PGM2L1: variants seen among roughly 807,000 people sequenced by gnomAD.
PGM2L1 encodes phosphoglucomutase 2 like 1.
PGM2L1 carries 35 observed loss-of-function variants against 73.4 expected under a neutral mutation model. That is an observed-to-expected ratio of 0.48 (90% CI 0.36 to 0.63). The LOEUF (loss-of-function observed/expected upper bound fraction) is 0.63. PGM2L1 is among the 30% of genes least tolerant of loss of function. The pLI is 0.00. For synonymous variants in PGM2L1, 225 were observed against 253.8 expected (o/e 0.89, Z 1.08); for missense variants, 570 against 742.0 (o/e 0.77, Z 2.69).
Position 74,391,501 on chromosome 11 carries a change from A to G in PGM2L1, c.111+6550T>C, listed in dbSNP as rs931113261. ...CTCAACTTTAACGTCTATATTTTCT[A>G]TTGCATTTGGCAGGGGTGGGGTGTA... On this transcript the variant is annotated intron_variant, in intron 1 of 13. Coordinates refer to ENST00000298198, the MANE Select transcript of PGM2L1 (RefSeq NM_173582.6). Among the ~76,000 whole-genome samples, 3 of 151,326 alleles carry G rather than the reference A, an allele frequency of 2.0e-5. No individual in the cohort carries two copies. In the South Asian group the frequency reaches 6.3e-4, roughly 32 times the overall value.
In PGM2L1 at chr11:74,368,517, T is replaced by C; in HGVS notation, c.530A>G (p.Asn177Ser). 6.2e-7 allele frequency: 1 copy of C among 1,613,718 alleles called. No homozygotes were observed. The highest frequency in any genetic ancestry group is 1.3e-5 in the African/African-American group (1 of 75,044). Residue 177 changes from asparagine (N) to serine (S), a missense_variant, in exon 5 of 14, where the codon AAC becomes AGC. Coordinates refer to ENST00000298198, the MANE Select transcript of PGM2L1 (RefSeq NM_173582.6). ...CTTGTATCCATTGTCTTCCTTGCGG[T>C]TGTGAGAGGCAGTAATCATCACACC... ...VAGVMITASH[N>S]RKEDNGYKVY...
intron 1 of PGM2L1, 133 bp downstream of exon 1, chr11:74,397,918 G>C (rs1435092498): frequency 4.4e-6 from 6 of 1,369,912 alleles, no homozygotes; most frequent in South Asian, 1.8e-5. Context: ...GGGTGGCAAC[G>C]CCCTGCTCCG....
intron 5 of PGM2L1, among the ~76,000 whole-genome samples, chr11:74,354,005 T>C (rs1201410877): frequency 6.6e-6 from 1 of 151,516 alleles, no homozygotes; most frequent in Non-Finnish European, 1.5e-5. Flanking sequence ...TTATAAAACA[T>C]AAGAAAAAAA....
chr11:74,358,354 T>G (rs571148944), intron 5 of PGM2L1, among the ~76,000 whole-genome samples: 2 of 152,290 alleles, frequency 1.3e-5, no homozygotes, highest in East Asian at 3.9e-4. Flanking sequence ...AACAGACTTC[T>G]CAGGGAAACG....
chr11:74,354,435 CT>C, intron 5 of PGM2L1: 1 of 700,980 alleles, frequency 1.4e-6, no homozygotes, highest in Non-Finnish European at 2.5e-6. Flanking sequence ...CTCCTTCCCC[CT>C]GCTGTCATGT....
chr11:74,397,866 G>T, intron 1 of PGM2L1, 185 bp downstream of exon 1: 5 of 1,050,092 alleles, frequency 4.8e-6, no homozygotes, highest in Non-Finnish European at 6.3e-6. Context: ...AGATGTTGCC[G>T]CCCGGCTCTG....
chr11:74,370,925 T>C lies in PGM2L1; in HGVS notation c.448A>G (p.Arg150Gly), dbSNP rs776703120. 5.0e-6 allele frequency: 8 copies of C among 1,612,922 alleles called. No homozygotes were observed. The South Asian group carries it at 6.6e-5, about 13-fold the overall frequency. The change falls in exon 4 of 14, where the codon AGA (arginine) becomes GGA (glycine). Residue 150 changes from arginine (R) to glycine (G), a missense_variant. Physicochemically the swap from Arg to Gly is moderately radical, Grantham distance 125. Coordinates refer to ENST00000298198, the MANE Select transcript of PGM2L1 (RefSeq NM_173582.6). ...AKDVPVYLFS[R>G]YVPTPFVPYA... ...ACTACAAAAGGTGTAGGAACATATC[T>C]TGAAAAAAGGTACACAGGAACATCT...
chr11:74,388,293 G>A (rs1863044296), intron 1 of PGM2L1, among the ~76,000 whole-genome samples: 1 of 150,958 alleles, frequency 6.6e-6, no homozygotes, highest in Admixed American at 6.6e-5. Flanking sequence ...TGTTAAGAGG[G>A]TAAATCTCAT....
At chr11:74,388,342 A>T (rs1451291666) in intron 1 of PGM2L1, among the ~76,000 whole-genome samples, 1 of 152,222 alleles carries the variant, frequency 6.6e-6, no homozygotes, top group Non-Finnish European at 1.5e-5. Flanking sequence ...AATTAAAAAA[A>T]ATATAAACCT....
chr11:74,348,065 A>G (rs1862296607), intron 6 of PGM2L1, among the ~76,000 whole-genome samples: 1 of 152,058 alleles, frequency 6.6e-6, no homozygotes, highest in Non-Finnish European at 1.5e-5. Context: ...TCCCACACCA[A>G]ACCGACAACC....
At position 74,330,369 on chromosome 11, in the gene PGM2L1, A is replaced by G. The variant is rs2134866395; in HGVS notation, c.*6283T>C. On this transcript the variant is annotated 3_prime_UTR_variant, in exon 14 of 14. Coordinates refer to ENST00000298198, the MANE Select transcript of PGM2L1 (RefSeq NM_173582.6). ...AACACTTCATTTGGCTAAAACCACAAGAAATCCACACACAAATACATAAAG... is the reference window on the plus strand; with the variant it reads ...AACACTTCATTTGGCTAAAACCACAGGAAATCCACACACAAATACATAAAG... 1 of 152,776 alleles carries G rather than the reference A, an allele frequency of 6.5e-6. No homozygotes were observed. Among genetic ancestry groups the G allele is most frequent in the Admixed American group, 6.5e-5 (1 of 15,302 alleles). 9.5% of individuals were successfully genotyped at this position (152,776 alleles called of 1,614,324 possible).
At chr11:74,393,953 T>C (rs964394900) in intron 1 of PGM2L1, among the ~76,000 whole-genome samples, 7 of 142,748 alleles carry the variant, frequency 4.9e-5, no homozygotes, top group African/African-American at 8.0e-5. Flanking sequence ...TGGTCTATAA[T>C]TTGACAGAAT....
intron 5 of PGM2L1, among the ~76,000 whole-genome samples, 183 bp from the exon 6 acceptor site, chr11:74,351,759 G>A (rs940651028): frequency 4.7e-5 from 7 of 149,616 alleles, no homozygotes; most frequent in East Asian, 1.9e-4. Flanking sequence ...TCAGCAGATC[G>A]AGACCATCCT....
rs1277429563 is a variant in PGM2L1, at chr11:74,330,832, A to G, written c.*5820T>C. 6.6e-6 allele frequency: 1 copy of G among 152,520 alleles called. No individual in the cohort carries two copies. Among genetic ancestry groups the G allele is most frequent in the Admixed American group, 6.5e-5 (1 of 15,286 alleles). 9.4% of individuals were successfully genotyped at this position (152,520 alleles called of 1,614,324 possible). A position where few individuals can be genotyped will look rare whatever the true frequency, so the allele number is the denominator to read the frequency against. On this transcript the variant is annotated 3_prime_UTR_variant, in exon 14 of 14. Transcript: ENST00000298198. ...CAACACCTTGCTTTGAGTGTAAAAT[A>G]CCAGGCATTATATATAATTTCCACA...
chr11:74,389,376 C>A (rs1385637526), intron 1 of PGM2L1, among the ~76,000 whole-genome samples: 1 of 152,004 alleles, frequency 6.6e-6, no homozygotes, highest in African/African-American at 2.4e-5. Flanking sequence ...TGATAAATTC[C>A]TTTTTATTAG....
intron 5 of PGM2L1, among the ~76,000 whole-genome samples, chr11:74,364,978 C>T (rs942691797): frequency 6.6e-6 from 1 of 152,072 alleles, no homozygotes; most frequent in Non-Finnish European, 1.5e-5. Context: ...TACAAGGCTA[C>T]AGTAACCAAA....
At chr11:74,371,073 A>C in intron 3 of PGM2L1, 87 bp from the exon 4 acceptor site, 1 of 966,664 alleles carries the variant, frequency 1.0e-6, no homozygotes, top group Non-Finnish European at 1.6e-6. Context: ...TATTATAATT[A>C]GTCTGAATAA....
At chr11:74,355,192 A>C in intron 5 of PGM2L1, 4 of 1,433,584 alleles carry the variant, frequency 2.8e-6, no homozygotes, top group Non-Finnish European at 3.9e-6. Flanking sequence ...AGATTTGGTA[A>C]TGATGGAAGC....
intron 5 of PGM2L1, among the ~76,000 whole-genome samples, chr11:74,367,813 CTATGAA>C (rs1292449486): frequency 6.6e-6 from 1 of 152,310 alleles, no homozygotes; most frequent in East Asian, 1.9e-4. Flanking sequence ...TTCTCTGTCC[CTATGAA>C]TGGTAACACT....
Sources: gnomAD v4.1 joint callset for allele counts (sites outside exome capture counted in the v4.1 genomes callset) on GRCh38, gnomAD v4.1.1 for gene constraint, MANE v1.5 for transcripts, NCBI Gene and HGNC (gene_info 2026-07-23, HGNC 2026-07-21) for gene names.